The following HCN1 variants were observed in gnomAD, a reference collection of about 807,000 sequenced individuals.
HCN1 encodes potassium/sodium hyperpolarization-activated cyclic nucleotide-gated channel 1.
Under a neutral mutation model 78.9 loss-of-function variants are expected in HCN1, and 13 were observed. The ratio of observed to expected loss-of-function variants is 0.16; its 90% CI spans 0.11 to 0.26. The LOEUF is 0.26. HCN1 is among the 10% of genes least tolerant of loss of function. The pLI is 1.00. For synonymous variants in HCN1, 552 were observed against 455.5 expected, an observed-to-expected ratio of 1.21 and a Z score of -2.70; for missense variants, 810 against 1,154.3, an observed-to-expected ratio of 0.70 and a Z score of 4.32.
At chr5:45,361,790 T>C (rs914637244) in intron 4 of HCN1, among the ~76,000 whole-genome samples, 4 of 152,204 alleles carry the variant, frequency 2.6e-5, no homozygotes, top group African/African-American at 9.6e-5. Context: ...ATTATTATTA[T>C]GTTTTTATTT....
chr5:45,525,034 C>T (rs1024915746), intron 2 of HCN1, among the ~76,000 whole-genome samples: 2 of 152,050 alleles, frequency 1.3e-5, no homozygotes, highest in African/African-American at 4.8e-5. Flanking sequence ...TACGTCCCAT[C>T]AATACCTAAT....
intron 3 of HCN1, among the ~76,000 whole-genome samples, chr5:45,397,497 T>G (rs2112041604): frequency 6.6e-6 from 1 of 152,114 alleles, no homozygotes; most frequent in African/African-American, 2.4e-5. Context: ...GTCCAATGTA[T>G]CTTATCTAAT....
chr5:45,637,109 TC>T (rs1298328258), intron 2 of HCN1, among the ~76,000 whole-genome samples: 2 of 152,174 alleles, frequency 1.3e-5, no homozygotes, highest in African/African-American at 4.8e-5. Flanking sequence ...GATTAATTTT[TC>T]CATGATTTCT....
At chr5:45,287,862 G>A (rs1411352021) in intron 6 of HCN1, among the ~76,000 whole-genome samples, 2 of 152,072 alleles carry the variant, frequency 1.3e-5, no homozygotes, top group East Asian at 3.9e-4. Context: ...TCTTTTACAC[G>A]CATCTACTGC....
intron 2 of HCN1, among the ~76,000 whole-genome samples, chr5:45,585,383 T>C (rs1277903473): frequency 2.0e-5 from 3 of 152,142 alleles, no homozygotes; most frequent in Non-Finnish European, 2.9e-5. Context: ...CTCCATCAGG[T>C]CCTTTAAGGA....
chr5:45,581,788 C>T (rs1579981437), intron 2 of HCN1, among the ~76,000 whole-genome samples: 1 of 152,130 alleles, frequency 6.6e-6, no homozygotes, highest in South Asian at 2.1e-4. Flanking sequence ...ATCCTTTCCC[C>T]ATTGCTTGTT....
chr5:45,396,570 G>C lies in HCN1; in HGVS notation c.1152C>G (p.Thr384=), dbSNP rs764282200. 1 of 1,613,762 alleles carries C rather than the reference G, an allele frequency of 6.2e-7. No homozygotes were observed. The highest frequency in any genetic ancestry group is 8.5e-7 in the Non-Finnish European group (1 of 1,179,894). Residue 384 remains threonine (T), a synonymous_variant, in exon 4 of 8, where the codon ACC becomes ACG. Coordinates refer to ENST00000303230, the MANE Select transcript of HCN1 (RefSeq NM_021072.4). Reference sequence around the variant, plus strand: ...CATGGCCGACAAACATGGCATAGCAGGTGGCCCCGACGATCATGCTCAGCA... The same window carrying C: ...CATGGCCGACAAACATGGCATAGCACGTGGCCCCGACGATCATGCTCAGCA... ...ITMLSMIVGA[T]CYAMFVGHAT...
At chr5:45,351,152 A>G (rs1746892075) in intron 5 of HCN1, among the ~76,000 whole-genome samples, 1 of 152,178 alleles carries the variant, frequency 6.6e-6, no homozygotes, top group Admixed American at 6.5e-5. Context: ...TAACCAAAAC[A>G]GCATGGTACT....
chr5:45,262,363 G>A lies in HCN1; in HGVS notation c.2231C>T (p.Pro744Leu), dbSNP rs1252725512. The change falls in exon 8 of 8, where the codon CCG becomes CTG. Residue 744 changes from proline to leucine, a missense_variant. Physicochemically the swap from Pro to Leu is moderately conservative, Grantham distance 98 (BLOSUM62 -3). Around this residue, in one of 6 missense-constraint regions of HCN1, gnomAD observed 398 missense variants for 381.3 expected, o/e 1.04. Transcript: ENST00000303230. ...PQQQVQQSQP[P>L]QTQPQQPSPQ... ...GGACGGCTGCTGTGGCTGAGTCTGC[G>A]GCGGCTGGGACTGCTGTACCTGCTG... The A allele has an allele frequency of 5.0e-6, 8 of 1,612,500 alleles. No homozygotes were observed. In the Admixed American group the frequency reaches 6.7e-5, roughly 13 times the overall value.
At chr5:45,334,806 A>G (rs1034352686) in intron 5 of HCN1, among the ~76,000 whole-genome samples, 1 of 152,018 alleles carries the variant, frequency 6.6e-6, no homozygotes, top group African/African-American at 2.4e-5. Context: ...TGCCTGTTAC[A>G]TGAATATCTT....
chr5:45,471,437 G>A (rs936040585), intron 2 of HCN1, among the ~76,000 whole-genome samples: 2 of 151,834 alleles, frequency 1.3e-5, no homozygotes, highest in East Asian at 3.9e-4. Context: ...CTCCGAATGT[G>A]ATTTTATCTC....
intron 1 of HCN1, among the ~76,000 whole-genome samples, chr5:45,665,464 A>T (rs982134917): frequency 6.6e-5 from 10 of 152,160 alleles, no homozygotes; most frequent in Middle Eastern, 3.4e-3. Context: ...TAAAATAAAA[A>T]AAAGATATGG....
chr5:45,396,793 T>C, intron 3 of HCN1, 83 bp from the exon 4 acceptor site: 10 of 1,007,206 alleles, frequency 9.9e-6, no homozygotes, highest in Non-Finnish European at 1.4e-5. Context: ...CACAGAAGCA[T>C]TATAAAATAC....
intron 3 of HCN1, among the ~76,000 whole-genome samples, chr5:45,444,145 A>T (rs1561157268): frequency 6.6e-6 from 1 of 152,172 alleles, no homozygotes; most frequent in Non-Finnish European, 1.5e-5. Flanking sequence ...AGGTTTTTAT[A>T]ATATGAAGGT....
At chr5:45,272,052 G>T (rs1034559514) in intron 6 of HCN1, among the ~76,000 whole-genome samples, 1 of 152,054 alleles carries the variant, frequency 6.6e-6, no homozygotes, top group Non-Finnish European at 1.5e-5. Flanking sequence ...ATGAATAACA[G>T]AATTAAGAAA....
At chr5:45,351,713 A>G (rs1242858733) in intron 5 of HCN1, among the ~76,000 whole-genome samples, 13 of 148,190 alleles carry the variant, frequency 8.8e-5, no homozygotes, top group South Asian at 2.2e-4. Context: ...AAAAGTGGGC[A>G]AAGGACATGA....
intron 4 of HCN1, among the ~76,000 whole-genome samples, chr5:45,358,814 G>A (rs185771144): frequency 1.3e-5 from 2 of 152,114 alleles, no homozygotes; most frequent in East Asian, 3.9e-4. Flanking sequence ...TTTTCCTGAC[G>A]CCCCGCTTGT....
chr5:45,665,024 A>G (rs1746007704), intron 1 of HCN1, among the ~76,000 whole-genome samples: 1 of 151,548 alleles, frequency 6.6e-6, no homozygotes, highest in Non-Finnish European at 1.5e-5. Flanking sequence ...CACTATTCAC[A>G]ATAGCAAAGA....
chr5:45,646,367 C>CTTTTTTTTTTTT (rs201964510), intron 1 of HCN1, among the ~76,000 whole-genome samples: 39 of 123,506 alleles, frequency 3.2e-4, no homozygotes, highest in Non-Finnish European at 4.7e-4. Flanking sequence ...TTCTTTCTTT[C>CTTTTTTTTTTTT]TTTTTTTTTT....
Sources: gnomAD v4.1 joint callset for allele counts (sites outside exome capture counted in the v4.1 genomes callset) on GRCh38, gnomAD v4.1.1 for gene constraint, gnomAD v4.1.1 regional missense constraint, MANE v1.5 for transcripts, NCBI Gene and HGNC (gene_info 2026-07-23, HGNC 2026-07-21) for gene names.